Variants in ADAMTSL1 observed in about 807,000 individuals in gnomAD.
ADAMTSL1 encodes the protein ADAMTS like 1, also known as ADAMTS-like protein 1.
ADAMTSL1 carries 126 observed loss-of-function variants against 201.8 expected under a neutral mutation model. That is an observed-to-expected ratio of 0.62 (90% CI 0.54 to 0.72). The LOEUF is 0.72. Among genes scored for constraint, ADAMTSL1 ranks in the 30% least tolerant of loss-of-function variants. The pLI is 0.00. For missense variants in ADAMTSL1, 2,679 were observed against 2,277.8 expected (o/e 1.18, Z -3.59); for synonymous variants, 1,121 against 903.4 (o/e 1.24, Z -4.32).
At chr9:18,403,903 T>C (rs897699149) in intron 2 of ADAMTSL1, among the ~76,000 whole-genome samples, 3 of 152,178 alleles carry the variant, frequency 2.0e-5, no homozygotes, top group African/African-American at 7.2e-5. Flanking sequence ...TTGTTTTTGG[T>C]TGGGGGAGGG....
intron 2 of ADAMTSL1, among the ~76,000 whole-genome samples, chr9:18,254,215 A>G (rs1253328298): frequency 6.6e-6 from 1 of 151,436 alleles, no homozygotes; most frequent in Non-Finnish European, 1.5e-5. Context: ...ACTCTATAAA[A>G]CTCTTAACAA....
intron 2 of ADAMTSL1, among the ~76,000 whole-genome samples, chr9:18,267,793 A>C (rs7862346): frequency 0.41 from 60,456 of 148,002 alleles, 13,968 homozygotes; most frequent in South Asian, 0.53. Flanking sequence ...AAAACAAAAA[A>C]ACCTTAATCT....
At chr9:18,095,787 G>A (rs779029810) in intron 1 of ADAMTSL1, among the ~76,000 whole-genome samples, 2 of 152,010 alleles carry the variant, frequency 1.3e-5, no homozygotes, top group African/African-American at 2.4e-5. Context: ...CATAATTCTT[G>A]CTCCAGTCCT....
chr9:18,099,345 A>ATG, intron 1 of ADAMTSL1, among the ~76,000 whole-genome samples: 1 of 46,218 alleles, frequency 2.2e-5, no homozygotes, highest in East Asian at 3.5e-4. Context: ...ATATATATAT[A>ATG]TATATATATA....
chr9:18,883,847 T>G (rs1310827461), intron 23 of ADAMTSL1, among the ~76,000 whole-genome samples: 1 of 152,246 alleles, frequency 6.6e-6, no homozygotes, highest in African/African-American at 2.4e-5. Flanking sequence ...TTAAATCTTT[T>G]GGGTATTATG....
At chr9:18,053,897 T>C (rs1228152417) in intron 1 of ADAMTSL1, among the ~76,000 whole-genome samples, 1 of 152,256 alleles carries the variant, frequency 6.6e-6, no homozygotes, top group Non-Finnish European at 1.5e-5. Context: ...GTTTTGTTTT[T>C]TCTTTTATTG....
At chr9:18,074,509 T>TTCTTC (rs1265769191) in intron 1 of ADAMTSL1, among the ~76,000 whole-genome samples, 2 of 37,756 alleles carry the variant, frequency 5.3e-5, no homozygotes, top group Non-Finnish European at 1.1e-4. Context: ...TTCTTTTCTT[T>TTCTTC]TCTTCTTTTC....
At chr9:18,503,419 G>GTATA (rs1206500089) in intron 1 of ADAMTSL1, among the ~76,000 whole-genome samples, 1 of 58,236 alleles carries the variant, frequency 1.7e-5, no homozygotes, top group African/African-American at 5.8e-5. Flanking sequence ...GTATTCCATT[G>GTATA]TGTATATATA....
chr9:18,896,891 G>A (rs1829672437), intron 26 of ADAMTSL1, among the ~76,000 whole-genome samples: 1 of 152,134 alleles, frequency 6.6e-6, no homozygotes, highest in African/African-American at 2.4e-5. Context: ...CATTCTGCAG[G>A]CCCCACTTAA....
chr9:18,226,671 C>G (rs1039262689), intron 2 of ADAMTSL1, among the ~76,000 whole-genome samples: 7 of 152,094 alleles, frequency 4.6e-5, no homozygotes, highest in Admixed American at 4.6e-4. Context: ...TCTCCCCATT[C>G]AGCCTTAACT....
intron 1 of ADAMTSL1, among the ~76,000 whole-genome samples, chr9:18,094,193 C>G (rs1034630017): frequency 6.6e-6 from 1 of 152,186 alleles, no homozygotes; most frequent in African/African-American, 2.4e-5. Flanking sequence ...TTAATGTGTT[C>G]TTTCAAACCG....
intron 19 of ADAMTSL1, among the ~76,000 whole-genome samples, chr9:18,792,501 G>T (rs754580964): frequency 9.6e-4 from 146 of 152,146 alleles, no homozygotes; most frequent in Admixed American, 1.8e-3. Flanking sequence ...CCAGTGCCAG[G>T]GAGCCAGCTA....
chr9:18,462,846 G>A (rs919675627), intron 2 of ADAMTSL1, among the ~76,000 whole-genome samples: 2 of 152,032 alleles, frequency 1.3e-5, no homozygotes, highest in African/African-American at 4.8e-5. Flanking sequence ...GGCTGAGGCA[G>A]GAGAATCACT....
At chr9:18,643,631 A>C (rs920156302) in intron 7 of ADAMTSL1, among the ~76,000 whole-genome samples, 2 of 151,952 alleles carry the variant, frequency 1.3e-5, no homozygotes, top group African/African-American at 4.8e-5. Context: ...CACATATGGA[A>C]GTTTTTCCAA....
intron 23 of ADAMTSL1, among the ~76,000 whole-genome samples, chr9:18,880,546 C>A (rs1435121146): frequency 3.3e-5 from 5 of 152,190 alleles, no homozygotes; most frequent in Admixed American, 2.6e-4. Flanking sequence ...GGCTTTTTCT[C>A]TGAGCAGTAG....
In ADAMTSL1 at chr9:18,017,105, G is replaced by A. The variant is rs76524682; in HGVS notation, c.87+110183G>A. Among the ~76,000 whole-genome samples, 1,274 of 152,072 alleles carry A rather than the reference G, an allele frequency of 8.4e-3. 15 individuals are homozygous for A. The highest frequency in any genetic ancestry group is 0.017 in the Middle Eastern group (5 of 294). On this transcript the variant is annotated intron_variant, in intron 1 of 29. Coordinates refer to the ADAMTSL1 transcript ENST00000680146. ...CCATGCAATGATTCCAGATAGATCAGATTTTGCACAAAAGATTAAACCTAT... is the reference window on the plus strand; with the variant it reads ...CCATGCAATGATTCCAGATAGATCAAATTTTGCACAAAAGATTAAACCTAT...
chr9:18,407,643 T>G (rs1358782378), intron 2 of ADAMTSL1, among the ~76,000 whole-genome samples: 1 of 152,188 alleles, frequency 6.6e-6, no homozygotes, highest in Non-Finnish European at 1.5e-5. Context: ...TCAAGCAAGG[T>G]ATCTACTAAA....
intron 16 of ADAMTSL1, among the ~76,000 whole-genome samples, chr9:18,755,507 C>T (rs1819700618): frequency 6.6e-6 from 1 of 152,126 alleles, no homozygotes; most frequent in African/African-American, 2.4e-5. Context: ...TTAATATCGT[C>T]CTAGTCTTGA....
At chr9:18,754,627 G>A (rs1463363895) in intron 16 of ADAMTSL1, among the ~76,000 whole-genome samples, 2 of 152,192 alleles carry the variant, frequency 1.3e-5, no homozygotes, top group African/African-American at 4.8e-5. Flanking sequence ...AGGCAGCCAC[G>A]TGTCCTCTGT....
Sources: allele counts gnomAD v4.1 joint callset (sites outside exome capture counted in the v4.1 genomes callset), GRCh38; gene constraint gnomAD v4.1.1; transcripts MANE v1.5; gene names NCBI Gene and HGNC (gene_info 2026-07-23, HGNC 2026-07-21).